The following SLC8B1 variants were observed in gnomAD, a reference collection of about 807,000 sequenced individuals.
SLC8B1 encodes the protein mitochondrial sodium/calcium exchanger protein.
In SLC8B1, 52 loss-of-function variants were observed where a neutral mutation model predicts 63.4. That is an observed-to-expected ratio of 0.82 (90% CI 0.66 to 1.03). The LOEUF (loss-of-function observed/expected upper bound fraction) is 1.03, where lower values mean the gene tolerates loss of function less well. SLC8B1 is among the 50% of genes least tolerant of loss of function. The pLI, the probability that SLC8B1 is intolerant of heterozygous loss-of-function variation, is 0.00. For synonymous variants in SLC8B1, 336 were observed against 323.9 expected, an observed-to-expected ratio of 1.04 and a Z score of -0.40; for missense variants, 657 against 741.7, an observed-to-expected ratio of 0.89 and a Z score of 1.33.
intron 14 of SLC8B1, 107 bp downstream of exon 14, chr12:113,306,388 G>A: frequency 1.1e-6 from 1 of 914,776 alleles, no homozygotes. Flanking sequence ...CACATTACCT[G>A]CCCCAGGTGT....
At chr12:113,303,911 C>T (rs1283054190) in intron 15 of SLC8B1, among the ~76,000 whole-genome samples, 8 of 152,114 alleles carry the variant, frequency 5.3e-5, no homozygotes, top group African/African-American at 1.9e-4. Context: ...GATGAAGTCT[C>T]ACTCTGTCGC....
intron 11 of SLC8B1, 37 bp downstream of exon 11, chr12:113,315,298 T>C: frequency 2.0e-6 from 3 of 1,470,330 alleles, no homozygotes; most frequent in South Asian, 1.4e-5. Context: ...TGGGAAGGAG[T>C]AGGAAGGTGG....
Position 113,315,437 on chromosome 12 carries a change from C to T in SLC8B1, c.1033G>A (p.Val345Met), listed in dbSNP as rs921953834. 2.5e-6 allele frequency: 4 copies of T among 1,601,758 alleles called. No homozygotes were observed. The highest frequency in any genetic ancestry group is 2.3e-5 in the East Asian group (1 of 44,438). ...TTCTGGTCATCCTTGTCCGGGTCCACGACGGGGACTGTGAGGAGCAGCAGG... is the reference window on the plus strand; with the variant it reads ...TTCTGGTCATCCTTGTCCGGGTCCATGACGGGGACTGTGAGGAGCAGCAGG... ...EFLLLLTVPV[V>M]DPDKDDQNWK... The change falls in exon 11 of 16, where the codon GTG becomes ATG. Residue 345 changes from valine to methionine, a missense_variant. Physicochemically the swap from Val to Met is conservative, Grantham distance 21. Transcript: ENST00000680972.
At position 113,334,549 on chromosome 12, in the gene SLC8B1, G is replaced by A. The variant is rs565393670; in HGVS notation, c.-189C>T. On this transcript the variant is annotated 5_prime_UTR_variant, in exon 1 of 16. Transcript: ENST00000680972. Reference sequence around the variant, plus strand: ...ACCAAGTTCAAACAGGACACCCCTGGTTTCAAATTCGTCTCGGCCACTTAC... The same window carrying A: ...ACCAAGTTCAAACAGGACACCCCTGATTTCAAATTCGTCTCGGCCACTTAC... 1 of 152,230 alleles carries A rather than the reference G, an allele frequency of 6.6e-6. No homozygotes were observed. The highest frequency in any genetic ancestry group is 1.9e-4 in the East Asian group (1 of 5,178). 9.4% of individuals were successfully genotyped at this position (152,230 alleles called of 1,614,324 possible). A position where few individuals can be genotyped will look rare whatever the true frequency, so the allele number is the denominator to read the frequency against.
intron 11 of SLC8B1, among the ~76,000 whole-genome samples, chr12:113,313,443 A>G (rs1289073630): frequency 6.6e-6 from 1 of 152,076 alleles, no homozygotes; most frequent in African/African-American, 2.4e-5. Context: ...CTGATTTAAG[A>G]AAAATATCAA....
chr12:113,302,670 T>C (rs1289827544), intron 15 of SLC8B1: 2 of 456,006 alleles, frequency 4.4e-6, no homozygotes, highest in East Asian at 6.9e-5. Flanking sequence ...CCGTGGCGTT[T>C]CGTCTTCCCA....
In SLC8B1 at chr12:113,311,727, A is replaced by C. The variant is rs555792071; in HGVS notation, c.1136-1372T>G. Among the ~76,000 whole-genome samples the C allele has an allele frequency of 6.3e-3, 688 of 109,958 alleles. 9 individuals are homozygous for C. The highest frequency in any genetic ancestry group is 0.023 in the African/African-American group (651 of 28,156). 72.1% of individuals were successfully genotyped at this position (109,958 alleles called of 152,430 possible). On this transcript the variant is annotated intron_variant, in intron 11 of 15. Coordinates refer to ENST00000680972, the MANE Select transcript of SLC8B1 (RefSeq NM_001358345.2). ...TTTTTTTTTTTTTTTTTTTTTAGAC[A>C]GGGTCTCGATGTATCAACCAGGCTG... is the stretch of plus-strand genomic sequence containing the variant.
rs1555276694 is a variant in SLC8B1, at chr12:113,326,683, C to CTCT, written c.157-5336_157-5335insAGA. 5.7e-3 allele frequency among the ~76,000 whole-genome samples: 828 copies of CTCT among 144,804 alleles called. 8 individuals are homozygous for CTCT. The highest frequency in any genetic ancestry group is 0.02 in the African/African-American group (774 of 39,630). 95.0% of individuals were successfully genotyped at this position (144,804 alleles called of 152,430 possible). On this transcript the variant is annotated intron_variant, in intron 2 of 15. Coordinates refer to ENST00000680972, the MANE Select transcript of SLC8B1 (RefSeq NM_001358345.2). The stretch of plus-strand genomic sequence containing the variant: ...TGACTGGCCTCTTTTCTTTCTCTCT[C>CTCT]TTTTTTTTTTTTTGAGACAAGGTCT...
At chr12:113,329,542 C>T (rs1957033623) in intron 2 of SLC8B1, among the ~76,000 whole-genome samples, 1 of 152,122 alleles carries the variant, frequency 6.6e-6, no homozygotes, top group Non-Finnish European at 1.5e-5. Flanking sequence ...TCTGCCCTCC[C>T]CGAGCTGCAC....
chr12:113,303,628 T>A (rs1206067589), intron 15 of SLC8B1, among the ~76,000 whole-genome samples: 1 of 152,174 alleles, frequency 6.6e-6, no homozygotes, highest in Non-Finnish European at 1.5e-5. Flanking sequence ...TTTGTTTGCA[T>A]GTGAGGCAGA....
rs1422423024 is a variant in SLC8B1 at position 113,320,804 on chromosome 12, A to C, written c.420+46T>G. ...CATGACCCTATCTCCCAGCCTCCCC[A>C]CAACTGCCCTCCCTCCAGGGTGCAG... On this transcript the variant is annotated intron_variant, in intron 5 of 15. Coordinates refer to ENST00000680972, the MANE Select transcript of SLC8B1 (RefSeq NM_001358345.2). The surrounding 1 kb of genome is among the most constrained non-coding windows in gnomAD (Gnocchi z 5.3). 5.0e-6 allele frequency: 8 copies of C among 1,584,230 alleles called. No homozygotes were observed. In the Admixed American group the frequency reaches 1.5e-4, roughly 30 times the overall value.
chr12:113,315,765 C>A (rs1417354837), intron 10 of SLC8B1, among the ~76,000 whole-genome samples: 1 of 152,202 alleles, frequency 6.6e-6, no homozygotes, highest in Admixed American at 6.5e-5. Flanking sequence ...GACTGAGGGT[C>A]CTTCCAGCTT....
intron 15 of SLC8B1, chr12:113,302,334 A>G (rs1047597030): frequency 2.4e-5 from 5 of 210,836 alleles, no homozygotes; most frequent in Non-Finnish European, 4.9e-5. Flanking sequence ...AGCAGCTGGA[A>G]GAGGTGAGGA....
chr12:113,306,792 C>T (rs1956681608), intron 13 of SLC8B1: 1 of 553,598 alleles, frequency 1.8e-6, no homozygotes, highest in Non-Finnish European at 3.2e-6. Context: ...TCTTTCACAC[C>T]AGGAACAACT....
intron 11 of SLC8B1, 150 bp from the exon 12 acceptor site, chr12:113,310,505 T>G (rs1956742892): frequency 1.0e-6 from 1 of 983,112 alleles, no homozygotes; most frequent in Admixed American, 3.5e-5. Context: ...ATGCAGCCCC[T>G]GCCCTCAAGT....
At chr12:113,313,980 G>C (rs2136840094) in intron 11 of SLC8B1, among the ~76,000 whole-genome samples, 1 of 152,072 alleles carries the variant, frequency 6.6e-6, no homozygotes, top group South Asian at 2.1e-4. Flanking sequence ...ACTGTACTCG[G>C]GTCTGGGTGA....
Position 113,320,873 on chromosome 12 carries a change from G to A in SLC8B1, c.397C>T (p.Leu133=), listed in dbSNP as rs963131382. The A allele has an allele frequency of 6.2e-7, 1 of 1,607,014 alleles. No individual in the cohort carries two copies. The highest frequency in any genetic ancestry group is 2.2e-5 in the East Asian group (1 of 44,644). Residue 133 remains leucine, a synonymous_variant, in exon 5 of 16, where the codon CTG becomes TTG. Transcript: ENST00000680972. The surrounding 1 kb of genome is among the most constrained non-coding windows in gnomAD (Gnocchi z 5.3). ...ACTGCCACGTTGTGGGAGAGCTTCA[G>A]TGTGGTAGAAATGGCCGACAAGTTG... is the stretch of plus-strand genomic sequence containing the variant. ...CPNLSAISTT[L]KLSHNVAGVT... is the part of the protein sequence containing the mutation.
chr12:113,332,264 T>G (rs1957065840), intron 2 of SLC8B1, among the ~76,000 whole-genome samples: 1 of 152,162 alleles, frequency 6.6e-6, no homozygotes, highest in Non-Finnish European at 1.5e-5. Context: ...GAAATGTATA[T>G]GCTTACTTCT....
Position 113,307,829 on chromosome 12 carries a change from C to G in SLC8B1, c.1273G>C (p.Gly425Arg), listed in dbSNP as rs1956697768. 6.2e-7 allele frequency: 1 copy of G among 1,612,834 alleles called. No homozygotes were observed. The highest frequency in any genetic ancestry group is 1.3e-5 in the African/African-American group (1 of 74,906). The change falls in exon 13 of 16, where the codon GGC becomes CGC. Residue 425 changes from glycine (G) to arginine (R), a missense_variant. By Grantham distance (125) the Gly-to-Arg change is moderately radical. Coordinates refer to ENST00000680972, the MANE Select transcript of SLC8B1 (RefSeq NM_001358345.2). The stretch of plus-strand genomic sequence containing the variant: ...ATCCACAGGGCGCTGGTCAGAAAGC[C>G]CAGGAAAGCAAAGAGCTGCGGAGGG... The part of the protein sequence containing the change: ...PRLHWLFAFL[G>R]FLTSALWINA...
Sources: gnomAD v4.1 joint callset for allele counts (sites outside exome capture counted in the v4.1 genomes callset) on GRCh38, gnomAD v4.1.1 for gene constraint, Gnocchi (gnomAD v3.1) non-coding constraint, MANE v1.5 for transcripts, NCBI Gene and HGNC (gene_info 2026-07-23, HGNC 2026-07-21) for gene names.